The following C8orf89 variants were observed in gnomAD, a reference collection of about 807,000 sequenced individuals.
C8orf89 encodes chromosome 8 open reading frame 89, also known as putative uncharacterized protein C8orf89.
C8orf89 carries 14 observed loss-of-function variants against 15.8 expected under a neutral mutation model. The ratio of observed to expected loss-of-function variants is 0.89; its 90% CI spans 0.59 to 1.39. The LOEUF (loss-of-function observed/expected upper bound fraction) is 1.39. Ranked by LOEUF, C8orf89 falls within the 40% of genes most tolerant of loss-of-function variation. The pLI is 0.00. For synonymous variants in C8orf89, 55 were observed against 62.2 expected, an observed-to-expected ratio of 0.88 and a Z score of 0.54; for missense variants, 181 against 184.5, an observed-to-expected ratio of 0.98 and a Z score of 0.11.
At chr8:73,247,281 T>C (rs1813148859) in intron 3 of C8orf89, among the ~76,000 whole-genome samples, 1 of 152,216 alleles carries the variant, frequency 6.6e-6, no homozygotes. Context: ...TCTGTTCTTT[T>C]TTATGGCTGC....
rs564034647 is a variant in C8orf89, at chr8:73,241,565, T to C, written c.378A>G (p.Gln126=). 43 of 1,532,712 alleles carry C rather than the reference T, an allele frequency of 2.8e-5. No homozygotes were observed. The East Asian group carries it at 1.0e-3, about 37-fold the overall frequency. The allele number at this position is 1,532,712 out of a possible 1,614,324, so 94.9% of individuals were successfully genotyped here. The change falls in exon 4 of 4, where the codon CAA becomes CAG. Residue 126 remains glutamine (Q), a synonymous_variant. Transcript: ENST00000624510. The part of the protein sequence containing the change: ...FSDPLTGAPS[Q]YLERLSKIAI... Reference sequence around the variant, plus strand: ...CTATTTTGGAAAGTCTCTCTAAGTATTGAGATGGTGCTCCAGTGAGAGGAT... The same window carrying C: ...CTATTTTGGAAAGTCTCTCTAAGTACTGAGATGGTGCTCCAGTGAGAGGAT...
chr8:73,259,314 T>C lies in C8orf89; in HGVS notation c.127+18A>G, dbSNP rs1813475467. 7.0e-7 allele frequency: 1 copy of C among 1,433,920 alleles called. No homozygotes were observed. The allele number at this position is 1,433,920 out of a possible 1,614,324, so 88.8% of individuals were successfully genotyped here. A position where few individuals can be genotyped will look rare whatever the true frequency, so the allele number is the denominator to read the frequency against. ...TATTTCTATGTTTTCTTAAGGAAAA[T>C]AATAACAATAAAGTTACCTTTCTTA... On this transcript the variant is annotated intron_variant, in intron 1 of 3. Coordinates refer to ENST00000624510, the MANE Select transcript of C8orf89 (RefSeq NM_001243237.3).
chr8:73,283,244 T>C, the C8orf89 span, among the ~76,000 whole-genome samples: 2 of 152,248 alleles, frequency 1.3e-5, no homozygotes, highest in African/African-American at 4.8e-5. Flanking sequence ...TGTCCAATTG[T>C]GCAAGTTACT....
chr8:73,276,754 C>G, the C8orf89 span, among the ~76,000 whole-genome samples: 79 of 149,638 alleles, frequency 5.3e-4, no homozygotes, highest in Admixed American at 2.4e-3. Context: ...AAAATAATTT[C>G]AAACAACAGC....
At chr8:73,276,002 A>G in the C8orf89 span, among the ~76,000 whole-genome samples, 5 of 152,146 alleles carry the variant, frequency 3.3e-5, no homozygotes, top group African/African-American at 9.7e-5. Context: ...ATTTCTAAAA[A>G]TTATATATGC....
chr8:73,254,174 G>T (rs1813312547), intron 2 of C8orf89, among the ~76,000 whole-genome samples: 2 of 152,112 alleles, frequency 1.3e-5, no homozygotes, highest in African/African-American at 4.8e-5. Context: ...GGCCGTTTCT[G>T]CATCTATTGA....
the C8orf89 span, among the ~76,000 whole-genome samples, chr8:73,264,697 A>C: frequency 6.6e-6 from 1 of 151,972 alleles, no homozygotes; most frequent in Admixed American, 6.6e-5. Flanking sequence ...TGCCATGTTG[A>C]CCAGGCTGGT....
chr8:73,246,691 T>C (rs977444769), intron 3 of C8orf89, among the ~76,000 whole-genome samples: 1 of 152,168 alleles, frequency 6.6e-6, no homozygotes, highest in Non-Finnish European at 1.5e-5. Context: ...ATGTCTTTTG[T>C]TCTAATTAAC....
chr8:73,255,164 C>T (rs966642240), intron 2 of C8orf89, among the ~76,000 whole-genome samples: 2 of 151,864 alleles, frequency 1.3e-5, no homozygotes, highest in African/African-American at 4.8e-5. Flanking sequence ...AAGAAACTAC[C>T]ATCAGAGTGA....
the C8orf89 span, among the ~76,000 whole-genome samples, chr8:73,270,270 A>G: frequency 1.3e-5 from 2 of 152,342 alleles, no homozygotes; most frequent in South Asian, 4.1e-4. Context: ...AGATAAGTGA[A>G]AGTCGTTGAA....
intron 3 of C8orf89, among the ~76,000 whole-genome samples, chr8:73,243,215 A>C (rs1813045158): frequency 6.6e-6 from 1 of 152,216 alleles, no homozygotes; most frequent in Admixed American, 6.5e-5. Context: ...TACAAAAAAT[A>C]CAAAGAATGA....
At chr8:73,254,730 T>C (rs1416727816) in intron 2 of C8orf89, among the ~76,000 whole-genome samples, 1 of 152,044 alleles carries the variant, frequency 6.6e-6, no homozygotes, top group Non-Finnish European at 1.5e-5. Flanking sequence ...CTGAGTTTCA[T>C]ATATCCAGCA....
chr8:73,262,677 C>T (rs1813550600), upstream of C8orf89, among the ~76,000 whole-genome samples: 1 of 151,534 alleles, frequency 6.6e-6, no homozygotes, highest in African/African-American at 2.4e-5. Flanking sequence ...AACAGCCAAG[C>T]ATAGTGGCAT....
At chr8:73,251,146 C>T (rs1442737516) in intron 2 of C8orf89, among the ~76,000 whole-genome samples, 3 of 152,078 alleles carry the variant, frequency 2.0e-5, no homozygotes, top group Non-Finnish European at 4.4e-5. Context: ...CTTTTAAGTA[C>T]TCCACCTCTA....
chr8:73,272,640 T>C, the C8orf89 span, among the ~76,000 whole-genome samples: 2 of 151,960 alleles, frequency 1.3e-5, no homozygotes, highest in South Asian at 2.1e-4. Flanking sequence ...GTGTGTGATG[T>C]TCCCCTTCCT....
the C8orf89 span, among the ~76,000 whole-genome samples, chr8:73,270,944 G>C: frequency 6.6e-6 from 1 of 152,066 alleles, no homozygotes; most frequent in East Asian, 1.9e-4. Context: ...CCTAAATAAA[G>C]TTCTGTGAAA....
intron 3 of C8orf89, among the ~76,000 whole-genome samples, chr8:73,242,171 T>C (rs1813021571): frequency 1.3e-5 from 2 of 152,068 alleles, no homozygotes; most frequent in African/African-American, 4.8e-5. Flanking sequence ...ATAAAAAGTG[T>C]CTGCACAGCA....
the C8orf89 span, among the ~76,000 whole-genome samples, chr8:73,265,926 A>G: frequency 1.3e-5 from 2 of 152,188 alleles, no homozygotes; most frequent in Non-Finnish European, 2.9e-5. Flanking sequence ...TTGTCATTCA[A>G]TAAGAGCTGT....
the C8orf89 span, among the ~76,000 whole-genome samples, chr8:73,272,876 T>G: frequency 2.0e-5 from 3 of 152,180 alleles, no homozygotes; most frequent in Non-Finnish European, 2.9e-5. Flanking sequence ...ATCTCTATTT[T>G]ACATTGAGAA....
Sources: allele counts gnomAD v4.1 joint callset (sites outside exome capture counted in the v4.1 genomes callset), GRCh38; gene constraint gnomAD v4.1.1; transcripts MANE v1.5; gene names NCBI Gene and HGNC (gene_info 2026-07-23, HGNC 2026-07-21).